The following IPO11 variants were observed in gnomAD, a reference collection of about 807,000 sequenced individuals.
IPO11 encodes the protein importin-11.
IPO11 carries 66 observed loss-of-function variants against 143.2 expected under a neutral mutation model. The ratio of observed to expected loss-of-function variants is 0.46; its 90% CI spans 0.38 to 0.57. The LOEUF (loss-of-function observed/expected upper bound fraction) is 0.57. Among genes scored for constraint, IPO11 ranks in the 20% least tolerant of loss-of-function variants. IPO11 has a pLI of 0.00. For missense variants in IPO11, 1,026 were observed against 1,141.0 expected, an observed-to-expected ratio of 0.90 and a Z score of 1.45; for synonymous variants, 385 against 377.8, an observed-to-expected ratio of 1.02 and a Z score of -0.22.
chr5:62,479,164 C>A (rs1455894518), intron 9 of IPO11, among the ~76,000 whole-genome samples: 2 of 152,132 alleles, frequency 1.3e-5, no homozygotes, highest in Non-Finnish European at 2.9e-5. Context: ...TCGATTCCCA[C>A]CTATGAGTGA....
At chr5:62,516,217 T>C (rs1382589802) in intron 20 of IPO11, among the ~76,000 whole-genome samples, 1 of 152,184 alleles carries the variant, frequency 6.6e-6, no homozygotes. Flanking sequence ...AAAATTAGTT[T>C]AGAAAAAACC....
intron 27 of IPO11, among the ~76,000 whole-genome samples, chr5:62,568,062 G>A (rs533364152): frequency 6.6e-6 from 1 of 151,760 alleles, no homozygotes; most frequent in Admixed American, 6.6e-5. Context: ...ACCTCCTGGG[G>A]TCAAGCAATC....
chr5:62,429,372 C>T (rs1743889417), intron 1 of IPO11, among the ~76,000 whole-genome samples: 1 of 152,010 alleles, frequency 6.6e-6, no homozygotes, highest in Non-Finnish European at 1.5e-5. Flanking sequence ...TGAAATAATA[C>T]TTCATTGTAT....
chr5:62,618,896 A>G (rs181668261), intron 29 of IPO11, among the ~76,000 whole-genome samples: 43 of 152,084 alleles, frequency 2.8e-4, no homozygotes, highest in African/African-American at 9.9e-4. Context: ...ACCAGAATGT[A>G]CTATCAGTCT....
chr5:62,478,026 C>T (rs905682543), intron 9 of IPO11, among the ~76,000 whole-genome samples: 8 of 152,054 alleles, frequency 5.3e-5, no homozygotes, highest in African/African-American at 1.9e-4. Context: ...CAACATATGG[C>T]CACAGTCAGT....
At chr5:62,606,480 T>TAAAAAAA (rs760722973) in intron 29 of IPO11, among the ~76,000 whole-genome samples, 5 of 56,108 alleles carry the variant, frequency 8.9e-5, no homozygotes, top group African/African-American at 4.1e-4. Flanking sequence ...GACCCTGTCT[T>TAAAAAAA]AAAAAAAAAA....
At position 62,584,480 on chromosome 5, in the gene IPO11, G is replaced by T. The variant is rs201318593; in HGVS notation, c.2583-7097G>T. Among the ~76,000 whole-genome samples the T allele has an allele frequency of 9.2e-5, 14 of 151,948 alleles. No individual in the cohort carries two copies. The East Asian group carries it at 2.7e-3, about 29-fold the overall frequency. On this transcript the variant is annotated intron_variant, in intron 27 of 29. Coordinates refer to ENST00000325324, the MANE Select transcript of IPO11 (RefSeq NM_016338.5). Reference sequence around the variant, plus strand: ...ATAAAAAATAAATCTGGGTGTGGTGGCCTGTGCCCGTAGTCCTAGCTACTC... The same window carrying T: ...ATAAAAAATAAATCTGGGTGTGGTGTCCTGTGCCCGTAGTCCTAGCTACTC...
intron 24 of IPO11, among the ~76,000 whole-genome samples, chr5:62,544,860 G>C (rs551567201): frequency 6.6e-6 from 1 of 152,126 alleles, no homozygotes; most frequent in Non-Finnish European, 1.5e-5. Flanking sequence ...GCTTCAAAGA[G>C]AATAAAATAC....
At chr5:62,556,583 A>C (rs1044060464) in intron 26 of IPO11, among the ~76,000 whole-genome samples, 2 of 152,166 alleles carry the variant, frequency 1.3e-5, no homozygotes, top group African/African-American at 4.8e-5. Flanking sequence ...TACAAAAACT[A>C]AAAATAAATA....
At chr5:62,518,066 G>A (rs947206852) in intron 20 of IPO11, among the ~76,000 whole-genome samples, 7 of 151,650 alleles carry the variant, frequency 4.6e-5, no homozygotes, top group African/African-American at 1.5e-4. Context: ...CATTTTGGGA[G>A]GCTGAAGTGG....
At chr5:62,475,216 T>G (rs1284726125) in intron 8 of IPO11, among the ~76,000 whole-genome samples, 1 of 149,996 alleles carries the variant, frequency 6.7e-6, no homozygotes, top group South Asian at 2.1e-4. Flanking sequence ...CAAAATAGAT[T>G]TAAAAAAAAA....
rs533249971 is a variant in IPO11 at position 62,470,236 on chromosome 5, C to T, written c.650-14C>T. 27 of 1,611,022 alleles carry T rather than the reference C, an allele frequency of 1.7e-5. No individual in the cohort carries two copies. The South Asian group carries it at 2.3e-4, about 14-fold the overall frequency. On this transcript the variant is annotated splice_polypyrimidine_tract_variant and intron_variant, in intron 6 of 29. Coordinates refer to ENST00000325324, the MANE Select transcript of IPO11 (RefSeq NM_016338.5). ...TAAAATAAGATTCAAGTAAAGCTTG[C>T]TTTTGCTTTTCAGTGCTGCGTAAGT...
At chr5:62,449,497 T>C (rs1275068092) in intron 3 of IPO11, among the ~76,000 whole-genome samples, 1 of 151,960 alleles carries the variant, frequency 6.6e-6, no homozygotes, top group Non-Finnish European at 1.5e-5. Flanking sequence ...TTTACTTGTA[T>C]AGATTTTTTT....
chr5:62,476,807 CA>C (rs1337756016), intron 9 of IPO11, 54 bp downstream of exon 9: 1 of 1,411,704 alleles, frequency 7.1e-7, no homozygotes, highest in Non-Finnish European at 9.4e-7. Flanking sequence ...TTCAGATTTA[CA>C]AAGGAAAATG....
chr5:62,454,894 G>A (rs1745071384), intron 5 of IPO11, among the ~76,000 whole-genome samples: 1 of 152,098 alleles, frequency 6.6e-6, no homozygotes, highest in Non-Finnish European at 1.5e-5. Context: ...GTGATATAGG[G>A]CAAAACTTCC....
intron 27 of IPO11, among the ~76,000 whole-genome samples, chr5:62,569,928 C>T (rs1456712222): frequency 6.6e-6 from 1 of 152,058 alleles, no homozygotes; most frequent in African/African-American, 2.4e-5. Flanking sequence ...TATTTCAGTT[C>T]AACTGGGAAA....
At chr5:62,439,379 C>G (rs1291103755) in intron 2 of IPO11, among the ~76,000 whole-genome samples, 1 of 150,300 alleles carries the variant, frequency 6.7e-6, no homozygotes, top group Admixed American at 6.7e-5. Flanking sequence ...CTCCGCCTCC[C>G]AGGTTCATGC....
chr5:62,449,860 A>G lies in IPO11; in HGVS notation c.240-67A>G, dbSNP rs1002915743. On this transcript the variant is annotated intron_variant, in intron 3 of 29. Transcript: ENST00000325324. ...AAGGCTTTTTATTAAAATTTACAGT[A>G]ATGCTTACCTACATTTATTATTAGG... 3 of 993,078 alleles carry G rather than the reference A, an allele frequency of 3.0e-6. No homozygotes were observed. The Admixed American group carries it at 7.6e-5, about 25-fold the overall frequency. 61.5% of individuals were successfully genotyped at this position (993,078 alleles called of 1,614,324 possible). A position where few individuals can be genotyped will look rare whatever the true frequency, so the allele number is the denominator to read the frequency against.
intron 1 of IPO11, chr5:62,419,193 T>A: frequency 6.7e-7 from 1 of 1,498,934 alleles, no homozygotes; most frequent in Non-Finnish European, 8.9e-7. Flanking sequence ...AGTGTAGAAG[T>A]AAAAAATGGT....
Sources: allele counts gnomAD v4.1 joint callset (sites outside exome capture counted in the v4.1 genomes callset), GRCh38; gene constraint gnomAD v4.1.1; transcripts MANE v1.5; gene names NCBI Gene and HGNC (gene_info 2026-07-23, HGNC 2026-07-21).